The following REV3L variants were observed in gnomAD, a reference collection of about 807,000 sequenced individuals.
REV3L encodes the protein REV3 like, DNA directed polymerase zeta catalytic subunit.
A neutral mutation model predicts 299.4 loss-of-function variants in REV3L; 69 were observed. The observed-to-expected ratio is 0.23, with a 90% CI of 0.19 to 0.28. The LOEUF is 0.28. Ranked by LOEUF, REV3L falls within the 10% of genes least tolerant of loss-of-function variation. The pLI is 1.00. For missense variants in REV3L, 3,128 were observed against 3,693.8 expected (o/e 0.85, Z 3.97); for synonymous variants, 1,238 against 1,271.4 (o/e 0.97, Z 0.56).
At chr6:111,302,117 A>G (rs148587678) in intron 31 of REV3L, among the ~76,000 whole-genome samples, 99 of 152,330 alleles carry the variant, frequency 6.5e-4, no homozygotes, top group African/African-American at 1.5e-3. Flanking sequence ...CGAAGGGCAC[A>G]CTTTTTCTAA....
At chr6:111,313,223 C>T in intron 28 of REV3L, 129 bp downstream of exon 28, 4 of 765,328 alleles carry the variant, frequency 5.2e-6, no homozygotes, top group Non-Finnish European at 7.8e-6. Flanking sequence ...TGTAGTTACT[C>T]CTATAGTTAT....
At chr6:111,383,159 C>T (rs1240377570) in intron 9 of REV3L, among the ~76,000 whole-genome samples, 1 of 152,154 alleles carries the variant, frequency 6.6e-6, no homozygotes, top group African/African-American at 2.4e-5. Flanking sequence ...CAGGTGTGAC[C>T]CAGTGCATTC....
At chr6:111,335,348 T>G (rs1220465088) in intron 22 of REV3L, 121 bp downstream of exon 22, 1 of 1,084,020 alleles carries the variant, frequency 9.2e-7, no homozygotes, top group African/African-American at 1.6e-5. Context: ...AAGATTTAAT[T>G]ACCCAGCTAT....
intron 31 of REV3L, among the ~76,000 whole-genome samples, chr6:111,303,161 C>CTTTT (rs1192743753): frequency 0.023 from 1,254 of 55,106 alleles, 18 homozygotes; most frequent in Admixed American, 0.047. Flanking sequence ...GCTTTCTTTT[C>CTTTT]TTTCTTTTTT....
intron 14 of REV3L, among the ~76,000 whole-genome samples, chr6:111,365,933 T>C (rs981853767): frequency 1.3e-5 from 2 of 152,114 alleles, no homozygotes; most frequent in African/African-American, 4.8e-5. Flanking sequence ...CAAGAGATGA[T>C]GACAGTTTGG....
chr6:111,322,706 T>C (rs1160555633), intron 25 of REV3L, 28 bp from the exon 26 acceptor site: 1 of 1,516,968 alleles, frequency 6.6e-7, no homozygotes, highest in Non-Finnish European at 9.2e-7. Flanking sequence ...TTGGAAATAA[T>C]TTCTTAACAT....
chr6:111,457,374 G>A (rs937573793), intron 1 of REV3L, among the ~76,000 whole-genome samples: 1 of 151,922 alleles, frequency 6.6e-6, no homozygotes, highest in East Asian at 1.9e-4. Flanking sequence ...TAGTTCATAA[G>A]TCATTAGGGT....
intron 22 of REV3L, among the ~76,000 whole-genome samples, chr6:111,334,422 GAAAC>G (rs1383926639): frequency 2.0e-5 from 3 of 151,992 alleles, no homozygotes; most frequent in South Asian, 2.1e-4. Flanking sequence ...TTCAAAGAAA[GAAAC>G]AAAATGATTA....
intron 1 of REV3L, among the ~76,000 whole-genome samples, chr6:111,449,398 C>G (rs1363298286): frequency 1.2e-5 from 1 of 86,416 alleles, no homozygotes; most frequent in Non-Finnish European, 3.9e-5. Flanking sequence ...GAGAAGAGAA[C>G]TGCAGAGACA....
At position 111,300,173 on chromosome 6, in the gene REV3L, A is replaced by T; in HGVS notation, c.9253-17T>A. ...CTTGCATATCTGAAAGCATAAGAGA[A>T]ATACAAAAAATAATAGGAAAGTTTT... On this transcript the variant is annotated splice_polypyrimidine_tract_variant and intron_variant, in intron 31 of 31. Coordinates refer to ENST00000368802, the MANE Select transcript of REV3L (RefSeq NM_001372078.1). 6.5e-7 allele frequency: 1 copy of T among 1,545,404 alleles called. No individual in the cohort carries two copies. The highest frequency in any genetic ancestry group is 8.7e-7 in the Non-Finnish European group (1 of 1,150,416).
At position 111,308,275 on chromosome 6, in the gene REV3L, T is replaced by C. The variant is rs929551291; in HGVS notation, c.9043-705A>G. On this transcript the variant is annotated intron_variant, in intron 30 of 31. Transcript: ENST00000368802. ...GTAAAAAAGTTATTAGGTTAGCCTC[T>C]TACAAATGTCATTGGGTTAACATTC... The C allele has an allele frequency of 2.0e-5, 9 of 454,122 alleles. 1 individual carries two copies. The highest frequency in any genetic ancestry group is 1.2e-4 in the South Asian group (8 of 64,336). The allele number at this position is 454,122 out of a possible 1,614,324, so 28.1% of individuals were successfully genotyped here.
intron 26 of REV3L, among the ~76,000 whole-genome samples, chr6:111,316,698 A>T (rs1377370994): frequency 6.6e-6 from 1 of 152,064 alleles, no homozygotes; most frequent in African/African-American, 2.4e-5. Context: ...AGACAGACAT[A>T]TATTCTGTAA....
chr6:111,430,937 G>A, intron 1 of REV3L: 1 of 1,592,118 alleles, frequency 6.3e-7, no homozygotes, highest in Non-Finnish European at 8.5e-7. Flanking sequence ...TGTGAGACTG[G>A]GAATGACAAC....
Position 111,450,910 on chromosome 6 carries a change from T to C in REV3L, c.139+31840A>G, listed in dbSNP as rs546583279. 3.9e-5 allele frequency among the ~76,000 whole-genome samples: 6 copies of C among 152,338 alleles called. No homozygotes were observed. In the South Asian group the frequency reaches 1.0e-3, roughly 26 times the overall value. ...TTATGCAGAAAAGTGGAATGAGATA[T>C]TACCTATAAACTATCCTAGTCAGCT... On this transcript the variant is annotated intron_variant, in intron 1 of 31. Coordinates refer to ENST00000368802, the MANE Select transcript of REV3L (RefSeq NM_001372078.1).
At position 111,377,855 on chromosome 6, in the gene REV3L, T is replaced by C. The variant is rs772604489; in HGVS notation, c.1455-12A>G. 1.2e-6 allele frequency: 2 copies of C among 1,600,762 alleles called. No individual in the cohort carries two copies. Among genetic ancestry groups the C allele is most frequent in the East Asian group, 2.2e-5 (1 of 44,672 alleles). On this transcript the variant is annotated splice_polypyrimidine_tract_variant and intron_variant, in intron 11 of 31. Coordinates refer to ENST00000368802, the MANE Select transcript of REV3L (RefSeq NM_001372078.1). ...TTCTGCACAGTGATCTGGAGAACAT[T>C]AAAATTCACTGGTGAGCATGATCAT... is the stretch of plus-strand genomic sequence containing the variant.
chr6:111,372,067 C>T (rs1282659821), intron 13 of REV3L, among the ~76,000 whole-genome samples: 2 of 151,742 alleles, frequency 1.3e-5, no homozygotes, highest in African/African-American at 2.4e-5. Context: ...ACTATAATAA[C>T]AATAACAATA....
intron 31 of REV3L, among the ~76,000 whole-genome samples, chr6:111,302,269 A>G (rs1362886631): frequency 1.3e-5 from 2 of 152,258 alleles, no homozygotes; most frequent in Non-Finnish European, 2.9e-5. Context: ...CAAGAGACTC[A>G]AATCTATTCC....
intron 24 of REV3L, chr6:111,331,194 G>C (rs570207698): frequency 3.9e-5 from 7 of 180,964 alleles, no homozygotes; most frequent in Non-Finnish European, 2.1e-5. Flanking sequence ...AGAGAAAAAA[G>C]GGACCCTATT....
Position 111,399,498 on chromosome 6 carries a change from A to T in REV3L, c.565+5972T>A, listed in dbSNP as rs529189980. The stretch of plus-strand genomic sequence containing the variant: ...TCCACTAATGTCCTCTTTCTGTTCC[A>T]GGATCCAATCTAGGACACCACACTG... On this transcript the variant is annotated intron_variant, in intron 4 of 31. Coordinates refer to ENST00000368802, the MANE Select transcript of REV3L (RefSeq NM_001372078.1). 3.3e-5 allele frequency among the ~76,000 whole-genome samples: 5 copies of T among 152,308 alleles called. No homozygotes were observed. In the South Asian group the frequency reaches 8.3e-4, roughly 25 times the overall value.
Sources: gnomAD v4.1 joint callset for allele counts (sites outside exome capture counted in the v4.1 genomes callset) on GRCh38, gnomAD v4.1.1 for gene constraint, MANE v1.5 for transcripts, NCBI Gene and HGNC (gene_info 2026-07-23, HGNC 2026-07-21) for gene names.